Variants in JPT2 observed in about 807,000 individuals in gnomAD.
The protein encoded by JPT2 is Jupiter microtubule associated homolog 2.
In JPT2, 9 loss-of-function variants were observed where a neutral mutation model predicts 15.9. That is an observed-to-expected ratio of 0.57 (90% CI 0.34 to 0.99). The LOEUF is 0.99. JPT2 is among the 50% of genes least tolerant of loss of function. The pLI is 0.02. For missense variants in JPT2, 267 were observed against 252.1 expected, an observed-to-expected ratio of 1.06 and a Z score of -0.40; for synonymous variants, 95 against 91.7, an observed-to-expected ratio of 1.04 and a Z score of -0.21.
chr16:1,678,826 C>T (rs916467821), intron 1 of JPT2, among the ~76,000 whole-genome samples: 6 of 152,158 alleles, frequency 3.9e-5, no homozygotes, highest in African/African-American at 7.2e-5. Context: ...TCTGGCCATG[C>T]CCCCGCTCCT....
intron 2 of JPT2, among the ~76,000 whole-genome samples, chr16:1,691,610 C>G (rs2037103807): frequency 6.6e-6 from 1 of 152,126 alleles, no homozygotes; most frequent in African/African-American, 2.4e-5. Flanking sequence ...CAGCCTAGAT[C>G]AGCTCAGTTC....
chr16:1,702,112 C>G, downstream of JPT2: 1 of 455,292 alleles, frequency 2.2e-6, no homozygotes, highest in Non-Finnish European at 4.4e-6. Flanking sequence ...CATATGTTTT[C>G]TAACATACTT....
Position 1,691,829 on chromosome 16 carries a change from G to T in JPT2, c.194-14G>T. ...GACGTCTGGTTGCTCAGTGTTCTGT[G>T]ATCGTTTCTGCAGGGGGTAAAGGAA... is the stretch of plus-strand genomic sequence containing the variant. On this transcript the variant is annotated splice_polypyrimidine_tract_variant and intron_variant, in intron 2 of 4. Transcript: ENST00000248098. 1 of 1,611,238 alleles carries T rather than the reference G, an allele frequency of 6.2e-7. No individual in the cohort carries two copies.
At chr16:1,682,494 A>T (rs1345726361) in intron 1 of JPT2, among the ~76,000 whole-genome samples, 1 of 152,124 alleles carries the variant, frequency 6.6e-6, no homozygotes, top group African/African-American at 2.4e-5. Flanking sequence ...CAACATGGTG[A>T]AACCCCGTCT....
rs149563146 is a variant in JPT2, at chr16:1,700,255, T to A, written c.*1257T>A. ...TCACACCTGTCCAATTCCCTGAGCTTTGCTCACTCAGCTAATGGGATGGCA... is the reference window on the plus strand; with the variant it reads ...TCACACCTGTCCAATTCCCTGAGCTATGCTCACTCAGCTAATGGGATGGCA... On this transcript the variant is annotated 3_prime_UTR_variant, in exon 5 of 5. Coordinates refer to ENST00000248098, the MANE Select transcript of JPT2 (RefSeq NM_144570.3). The A allele has an allele frequency of 4.5e-4, 198 of 436,970 alleles. No individual in the cohort carries two copies. Among genetic ancestry groups the A allele is most frequent in the African/African-American group, 3.6e-3 (181 of 49,732 alleles). 27.1% of individuals were successfully genotyped at this position (436,970 alleles called of 1,614,324 possible). A position where few individuals can be genotyped will look rare whatever the true frequency, so the allele number is the denominator to read the frequency against.
chr16:1,680,322 G>C lies in JPT2; in HGVS notation c.44+1966G>C, dbSNP rs914089847. The C allele has an allele frequency of 7.0e-6, 7 of 1,001,600 alleles. No homozygotes were observed. In the African/African-American group the frequency reaches 1.2e-4, roughly 17 times the overall value. 62.0% of individuals were successfully genotyped at this position (1,001,600 alleles called of 1,614,324 possible). ...GATGGTGTTTATTATCACCCTGAGC[G>C]ACGCCGATGTTTTTATATTGACTTT... On this transcript the variant is annotated intron_variant, in intron 1 of 4. Transcript: ENST00000248098.
intron 1 of JPT2, among the ~76,000 whole-genome samples, chr16:1,684,627 C>CT (rs1422200186): frequency 6.6e-6 from 1 of 152,098 alleles, no homozygotes; most frequent in Admixed American, 6.6e-5. Context: ...GTAATCCTAG[C>CT]TACGTGGGAG....
intron 1 of JPT2, chr16:1,680,529 C>A: frequency 2.5e-6 from 3 of 1,209,642 alleles, no homozygotes; most frequent in Admixed American, 2.8e-5. Flanking sequence ...TTGGGGTCCA[C>A]CAGACGCTGC....
intron 1 of JPT2, among the ~76,000 whole-genome samples, chr16:1,678,748 G>A (rs1232337172): frequency 2.0e-5 from 3 of 151,988 alleles, no homozygotes; most frequent in Non-Finnish European, 2.9e-5. Context: ...TTTTGTCTGT[G>A]GGATGCGTGT....
intron 2 of JPT2, 109 bp downstream of exon 2, chr16:1,685,696 C>G: frequency 8.5e-7 from 1 of 1,171,044 alleles, no homozygotes; most frequent in Non-Finnish European, 1.2e-6. Flanking sequence ...TTCAGGTAAT[C>G]ACTTGTTATC....
intron 2 of JPT2, chr16:1,689,491 A>G (rs1485784564): frequency 2.0e-5 from 3 of 151,970 alleles, no homozygotes; most frequent in Admixed American, 2.0e-4. Flanking sequence ...TTGAGACAGG[A>G]TCTTAGTCTG....
chr16:1,697,704 A>G (rs1284259149), intron 3 of JPT2, 108 bp from the exon 4 acceptor site: 1 of 1,003,328 alleles, frequency 1.0e-6, no homozygotes, highest in South Asian at 1.4e-5. Context: ...CAGATATACA[A>G]GCATTTTTGT....
At chr16:1,684,587 A>G (rs1056645549) in intron 1 of JPT2, among the ~76,000 whole-genome samples, 1 of 152,110 alleles carries the variant, frequency 6.6e-6, no homozygotes, top group African/African-American at 2.4e-5. Context: ...CTAAAAATAC[A>G]AAATTAGCTG....
chr16:1,698,762 G>C lies in JPT2; in HGVS notation c.386-49G>C, dbSNP rs1358874463. The stretch of plus-strand genomic sequence containing the variant: ...TTATTTCCACAGCCTGCCTGTCAGG[G>C]TCATGGGTTGCCTCTAATGGGATGT... On this transcript the variant is annotated intron_variant, in intron 4 of 4. Transcript: ENST00000248098. The surrounding 1 kb of genome is among the most constrained non-coding windows in gnomAD (Gnocchi z 4.9). 3.2e-6 allele frequency: 5 copies of C among 1,556,352 alleles called. No homozygotes were observed. The highest frequency in any genetic ancestry group is 4.3e-6 in the Non-Finnish European group (5 of 1,150,760).
intron 2 of JPT2, 28 bp from the exon 3 acceptor site, chr16:1,691,815 G>C (rs2037105401): frequency 6.2e-7 from 1 of 1,605,266 alleles, no homozygotes; most frequent in African/African-American, 1.3e-5. Context: ...ACGTCTGGTT[G>C]CTCAGTGTTC....
Position 1,700,298 on chromosome 16 carries a change from A to G in JPT2, c.*1300A>G, listed in dbSNP as rs1406266692. The G allele has an allele frequency of 5.1e-6, 2 of 390,082 alleles. No individual in the cohort carries two copies. The highest frequency in any genetic ancestry group is 1.1e-5 in the Non-Finnish European group (2 of 185,940). 24.2% of individuals were successfully genotyped at this position (390,082 alleles called of 1,614,324 possible). A position where few individuals can be genotyped will look rare whatever the true frequency, so the allele number is the denominator to read the frequency against. On this transcript the variant is annotated 3_prime_UTR_variant, in exon 5 of 5. Transcript: ENST00000248098. ...GGATGGCAAAGGTGGTGGTGCTTTC[A>G]TCTTCAGGCAGAAGCCTCTGCCCAT...
chr16:1,684,925 A>C (rs2037053420), intron 1 of JPT2, among the ~76,000 whole-genome samples: 1 of 151,728 alleles, frequency 6.6e-6, no homozygotes, highest in African/African-American at 2.4e-5. Flanking sequence ...AAAAAAAAAA[A>C]AGAATACTTT....
intron 1 of JPT2, chr16:1,680,573 C>A: frequency 9.4e-7 from 1 of 1,060,524 alleles, no homozygotes. Context: ...GGTCGAGTCG[C>A]AGGGCGGGCG....
intron 1 of JPT2, among the ~76,000 whole-genome samples, chr16:1,682,315 T>C (rs937393402): frequency 2.0e-5 from 3 of 151,852 alleles, no homozygotes; most frequent in Non-Finnish European, 4.4e-5. Context: ...AGGTGGAGGT[T>C]GCGGTGAGCT....
Sources: gnomAD v4.1 joint callset for allele counts (sites outside exome capture counted in the v4.1 genomes callset) on GRCh38, gnomAD v4.1.1 for gene constraint, Gnocchi (gnomAD v3.1) non-coding constraint, MANE v1.5 for transcripts, NCBI Gene and HGNC (gene_info 2026-07-23, HGNC 2026-07-21) for gene names.